The following DOK4 variants were observed in gnomAD, a reference collection of about 807,000 sequenced individuals.
DOK4 encodes the protein docking protein 4, also known as downstream of tyrosine kinase 4.
Under a neutral mutation model 40.1 loss-of-function variants are expected in DOK4, and 26 were observed. The observed-to-expected ratio is 0.65, with a 90% confidence interval of 0.48 to 0.90. The LOEUF (loss-of-function observed/expected upper bound fraction) is 0.90. Ranked by LOEUF, DOK4 falls within the 40% of genes least tolerant of loss-of-function variation. The pLI is 0.00. For synonymous variants in DOK4, 179 were observed against 177.0 expected, an observed-to-expected ratio of 1.01 and a Z score of -0.09; for missense variants, 392 against 437.2, an observed-to-expected ratio of 0.90 and a Z score of 0.92.
chr16:57,475,062 T>TCCCCCCCC, intron 5 of DOK4, 38 bp downstream of exon 5: 1 of 1,511,860 alleles, frequency 6.6e-7, no homozygotes, highest in Non-Finnish European at 9.1e-7. Context: ...CTCTTCCTCC[T>TCCCCCCCC]CCCCCTCCCC....
chr16:57,476,040 C>T (rs2146636952), intron 2 of DOK4, 83 bp from the exon 3 acceptor site: 1 of 1,242,890 alleles, frequency 8.0e-7, no homozygotes. Flanking sequence ...CCCTGCCTGC[C>T]ACAGGGGGCG....
chr16:57,475,277 C>T, intron 4 of DOK4, 58 bp from the exon 5 acceptor site: 3 of 1,581,358 alleles, frequency 1.9e-6, no homozygotes, highest in Non-Finnish European at 2.6e-6. Flanking sequence ...ACCCCGTCTG[C>T]CCAGCCTGAC....
rs1474018946 is a variant in DOK4, at chr16:57,485,434, G to C, written c.-182+871C>G. On this transcript the variant is annotated intron_variant, in intron 1 of 8. Coordinates refer to ENST00000340099, the Ensembl canonical transcript of DOK4. This position sits in a 1 kb window ranked among gnomAD's most constrained non-coding sequence, Gnocchi z 4.3. ...GTGGGGGCAGGAAGAGCCTGTACCA[G>C]CGCCACATCCCTCTGAAAGGGTCCA... 6.6e-6 allele frequency among the ~76,000 whole-genome samples: 1 copy of C among 152,200 alleles called. No homozygotes were observed. Among genetic ancestry groups the C allele is most frequent in the South Asian group, 2.1e-4 (1 of 4,834 alleles).
intron 2 of DOK4, chr16:57,476,264 G>A (rs558972888): frequency 6.5e-5 from 25 of 386,222 alleles, no homozygotes; most frequent in South Asian, 6.1e-4. Context: ...CAACGTTCCT[G>A]AGTGCTTCCT....
rs767045719 is a variant in DOK4 at position 57,473,338 on chromosome 16, G to GCAGACCCCAGCAGT, written c.*38_*39insACTGCTGGGGTCTG. On this transcript the variant is annotated 3_prime_UTR_variant, in exon 9 of 9. Transcript: ENST00000340099. ...TACACTGCAGCCAGCCCCGCAGCAG[G>GCAGACCCCAGCAGT]CAGCCCCCAGCAGTCATCGGTGCTC... 1.9e-6 allele frequency: 3 copies of GCAGACCCCAGCAGT among 1,586,758 alleles called. No homozygotes were observed. In the African/African-American group the frequency reaches 4.0e-5, roughly 21 times the overall value.
At chr16:57,486,790 G>A (rs542815512), upstream of DOK4, among the ~76,000 whole-genome samples, 10 of 147,960 alleles carry the variant, frequency 6.8e-5, no homozygotes, top group Admixed American at 3.3e-4. Context: ...ACACCCATAC[G>A]CCACATCAGC....
rs750174483 is a variant in DOK4 at position 57,475,497 on chromosome 16, G to A, written c.289+9C>T. The A allele has an allele frequency of 1.3e-5, 20 of 1,596,424 alleles. No homozygotes were observed. The Admixed American group carries it at 1.4e-4, about 11-fold the overall frequency. ...GGGAGGCAGATGGAGGCCCATACTC[G>A]CGCCTCACCTGAGTCGCAGGTGAAG... On this transcript the variant is annotated intron_variant, in intron 4 of 8. Coordinates refer to ENST00000340099, the Ensembl canonical transcript of DOK4.
Position 57,475,753 on chromosome 16 carries a change from T to C in DOK4, c.174+97A>G, listed in dbSNP as rs541278733. On this transcript the variant is annotated intron_variant, in intron 3 of 8. Coordinates refer to ENST00000340099, the Ensembl canonical transcript of DOK4. ...CTCTCCTCCTCTCCCTCTCTCCCCC[T>C]TTCTCCCCTCTCTCCCTCTCTCCCC... The C allele has an allele frequency of 3.8e-5, 25 of 656,416 alleles. 2 individuals are homozygous for C. The East Asian group carries it at 1.2e-3, about 31-fold the overall frequency. The allele number at this position is 656,416 out of a possible 1,614,324, so 40.7% of individuals were successfully genotyped here.
rs1415287812 is a variant in DOK4, at chr16:57,475,453, C to CT, written c.289+52dup. On this transcript the variant is annotated intron_variant, in intron 4 of 8. Transcript: ENST00000340099. ...GCTCTGCCCGCTCCTAGCTGGACCT[C>CT]TGACCAAGACCACCCCAGGGGAGGC... is the stretch of plus-strand genomic sequence containing the variant. The CT allele has an allele frequency of 2.0e-6, 3 of 1,530,386 alleles. No individual in the cohort carries two copies. The African/African-American group carries it at 4.1e-5, about 21-fold the overall frequency. 94.8% of individuals were successfully genotyped at this position (1,530,386 alleles called of 1,614,324 possible).
At chr16:57,482,358 C>CTTTTTTT (rs1437029605) in intron 1 of DOK4, among the ~76,000 whole-genome samples, 1 of 111,794 alleles carries the variant, frequency 8.9e-6, no homozygotes, top group African/African-American at 3.3e-5. Flanking sequence ...AGAGATGGGG[C>CTTTTTTT]TTTTGTTTTT....
At chr16:57,474,126 G>A (rs2031031954) in intron 6 of DOK4, 87 bp from the exon 7 acceptor site, 9 of 1,571,544 alleles carry the variant, frequency 5.7e-6, no homozygotes, top group African/African-American at 2.7e-5. Context: ...ACTGCAAGTT[G>A]TGGTTGCATT....
In DOK4 at chr16:57,479,653, CAGCATTGTTCT is replaced by C. The variant is rs2031343732; in HGVS notation, c.-157_-147del. 1.3e-6 allele frequency: 1 copy of C among 756,596 alleles called. No homozygotes were observed. Among genetic ancestry groups the C allele is most frequent in the South Asian group, 1.6e-5 (1 of 61,358 alleles). 46.9% of individuals were successfully genotyped at this position (756,596 alleles called of 1,614,324 possible). ...GGGCTGCTCCTCACCTCACCCGCCT[CAGCATTGTTCT>C]AGCAGCTCCTTCGCCCCGCGCCTGC... is the stretch of plus-strand genomic sequence containing the variant. On this transcript the variant is annotated 5_prime_UTR_variant, in exon 2 of 9. It removes an upstream start codon present in the reference 5' UTR. Coordinates refer to ENST00000340099, the Ensembl canonical transcript of DOK4. The surrounding 1 kb of genome is among the most constrained non-coding windows in gnomAD (Gnocchi z 5.8).
intron 1 of DOK4, chr16:57,481,529 GCCTTCTCCT>G (rs2146664201): frequency 6.6e-6 from 1 of 152,392 alleles, no homozygotes; most frequent in South Asian, 2.1e-4. Context: ...CTCTGGGGCT[GCCTTCTCCT>G]CAGAGCAAGG....
intron 6 of DOK4, among the ~76,000 whole-genome samples, chr16:57,474,436 T>C (rs1356209280): frequency 6.8e-6 from 1 of 147,184 alleles, no homozygotes; most frequent in Non-Finnish European, 1.5e-5. Flanking sequence ...AGAGTTCAAG[T>C]GAGGGGATAC....
At position 57,473,320 on chromosome 16, in the gene DOK4, C is replaced by T. The variant is rs1439917220; in HGVS notation, c.*57G>A. 1.9e-6 allele frequency: 3 copies of T among 1,566,890 alleles called. No individual in the cohort carries two copies. The African/African-American group carries it at 4.0e-5, about 21-fold the overall frequency. On this transcript the variant is annotated 3_prime_UTR_variant, in exon 9 of 9. Transcript: ENST00000340099. ...CCCTGAGGCTGTCCACGGTACACTG[C>T]AGCCAGCCCCGCAGCAGGCAGCCCC... is the stretch of plus-strand genomic sequence containing the variant.
At chr16:57,477,821 A>G (rs7206643) in intron 2 of DOK4, among the ~76,000 whole-genome samples, 12,873 of 152,236 alleles carry the variant, frequency 0.085, 768 homozygotes, top group African/African-American at 0.17. Context: ...GAGGGACCAC[A>G]GCCTCTCACA....
chr16:57,475,144 C>A (rs752655896), exon 5 of DOK4: 1 of 1,613,950 alleles, frequency 6.2e-7, no homozygotes, highest in South Asian at 1.1e-5. Flanking sequence ...GTCAGGTTCT[C>A]CCAGACTGAT....
exon 9 of DOK4, chr16:57,472,173 G>C (rs1362605588): frequency 6.6e-6 from 1 of 152,412 alleles, no homozygotes; most frequent in Admixed American, 6.6e-5. Context: ...CCTAGCTCAA[G>C]GGCTCCTTTG....
intron 5 of DOK4, 49 bp from the exon 6 acceptor site, chr16:57,475,031 G>A (rs2031079814): frequency 1.9e-6 from 3 of 1,599,566 alleles, no homozygotes; most frequent in Non-Finnish European, 2.6e-6. Context: ...CCCCAGATGG[G>A]GACTTCCTCC....
Sources: gnomAD v4.1 joint callset for allele counts (sites outside exome capture counted in the v4.1 genomes callset) on GRCh38, gnomAD v4.1.1 for gene constraint, Gnocchi (gnomAD v3.1) non-coding constraint, MANE v1.5 for transcripts, NCBI Gene and HGNC (gene_info 2026-07-23, HGNC 2026-07-21) for gene names.